GRIP1: variants seen among roughly 807,000 people sequenced by gnomAD.
The protein encoded by GRIP1 is glutamate receptor-interacting protein 1.
GRIP1 carries 45 observed loss-of-function variants against 129.9 expected under a neutral mutation model. The ratio of observed to expected loss-of-function variants is 0.35; its 90% CI spans 0.27 to 0.44. The LOEUF (loss-of-function observed/expected upper bound fraction) is 0.44. Ranked by LOEUF, GRIP1 falls within the 20% of genes least tolerant of loss-of-function variation. The pLI is 1.00. For missense variants in GRIP1, 1,196 were observed against 1,396.8 expected, an observed-to-expected ratio of 0.86 and a Z score of 2.29; for synonymous variants, 530 against 520.8, an observed-to-expected ratio of 1.02 and a Z score of -0.24.
intron 1 of GRIP1, among the ~76,000 whole-genome samples, chr12:66,767,073 A>AT (rs904826246): frequency 1.4e-4 from 22 of 152,028 alleles, no homozygotes; most frequent in Admixed American, 5.9e-4. Flanking sequence ...ATCTGAAATG[A>AT]TTTTTTTTGT....
At chr12:66,720,227 CTA>C (rs1188715187) in intron 1 of GRIP1, among the ~76,000 whole-genome samples, 1 of 152,134 alleles carries the variant, frequency 6.6e-6, no homozygotes, top group East Asian at 1.9e-4. Flanking sequence ...ACACTGTAGT[CTA>C]TTAAGTGTGC....
chr12:66,657,716 GT>G (rs2033246901), intron 1 of GRIP1, among the ~76,000 whole-genome samples: 1 of 152,108 alleles, frequency 6.6e-6, no homozygotes, highest in Admixed American at 6.5e-5. Context: ...GCCCTGACGG[GT>G]TTCCTTTCCA....
intron 7 of GRIP1, among the ~76,000 whole-genome samples, chr12:66,470,969 C>T (rs1272483676): frequency 3.9e-5 from 6 of 152,168 alleles, no homozygotes; most frequent in African/African-American, 1.4e-4. Flanking sequence ...TCAGTGAACC[C>T]ACAAGGACGA....
At chr12:66,815,573 C>A (rs1475499200) in intron 1 of GRIP1, among the ~76,000 whole-genome samples, 8 of 152,128 alleles carry the variant, frequency 5.3e-5, no homozygotes, top group African/African-American at 1.7e-4. Context: ...CCAGCCTGGG[C>A]AACATAGTGA....
At chr12:66,907,351 G>T (rs1265576914) in intron 1 of GRIP1, among the ~76,000 whole-genome samples, 1 of 152,136 alleles carries the variant, frequency 6.6e-6, no homozygotes, top group Admixed American at 6.6e-5. Context: ...AGAACATTAG[G>T]CATTGGAAAT....
intron 1 of GRIP1, among the ~76,000 whole-genome samples, chr12:67,052,899 A>G (rs918184079): frequency 6.6e-6 from 1 of 152,226 alleles, no homozygotes; most frequent in Non-Finnish European, 1.5e-5. Context: ...GTTCAAATCT[A>G]TAGGACCACT....
intron 1 of GRIP1, among the ~76,000 whole-genome samples, chr12:66,608,155 A>T (rs1415635666): frequency 6.6e-6 from 1 of 152,180 alleles, no homozygotes; most frequent in Non-Finnish European, 1.5e-5. Flanking sequence ...ACTGCTTATC[A>T]AACAGATGAC....
intron 1 of GRIP1, among the ~76,000 whole-genome samples, chr12:67,024,821 G>T (rs891165761): frequency 6.6e-6 from 1 of 151,988 alleles, no homozygotes; most frequent in Non-Finnish European, 1.5e-5. Flanking sequence ...AGATCTTTAC[G>T]ATAATATGTT....
At position 66,515,619 on chromosome 12, in the gene GRIP1, C is replaced by A. The variant is rs1365143793; in HGVS notation, c.724G>T (p.Asp242Tyr). Residue 242 changes from aspartate (D) to tyrosine (Y), a missense_variant and splice_region_variant, in exon 7 of 25, where the codon GAC becomes TAC. Asp to Tyr is a radical substitution (Grantham distance 160). Coordinates refer to ENST00000359742, the MANE Select transcript of GRIP1 (RefSeq NM_001366722.1). ...TCACACCCTCAGGACCCCAACATAC[C>A]CATTACTGAGACATCATATTCTATC... ...LLIEYDVSVM[D>Y]SVATASGPLL... 6.2e-7 allele frequency: 1 copy of A among 1,612,828 alleles called. No homozygotes were observed. Among genetic ancestry groups the A allele is most frequent in the Non-Finnish European group, 8.5e-7 (1 of 1,178,912 alleles).
At chr12:67,032,210 T>C (rs1408444379) in intron 1 of GRIP1, among the ~76,000 whole-genome samples, 1 of 152,334 alleles carries the variant, frequency 6.6e-6, no homozygotes, top group Admixed American at 6.5e-5. Context: ...TAGTTATTTA[T>C]TTTTCTTTTC....
In GRIP1 at chr12:67,020,934, T is replaced by C. The variant is rs568984225; in HGVS notation, c.58+48116A>G. 6.3e-4 allele frequency among the ~76,000 whole-genome samples: 96 copies of C among 151,958 alleles called. 1 individual carries two copies. Among genetic ancestry groups the C allele is most frequent in the African/African-American group, 2.3e-3 (95 of 41,482 alleles). ...GGGCAGCATGGTGAAACCCCATCTC[T>C]ACAAATACAAAAATTTAGCCAGGCA... On this transcript the variant is annotated intron_variant, in intron 1 of 1. Coordinates refer to the GRIP1 transcript ENST00000643019.
At chr12:66,517,214 G>A (rs1039902862) in intron 6 of GRIP1, among the ~76,000 whole-genome samples, 1 of 152,078 alleles carries the variant, frequency 6.6e-6, no homozygotes, top group African/African-American at 2.4e-5. Context: ...GTCAACTTTT[G>A]CTGTGGGAAA....
chr12:66,396,188 C>T (rs975102189), intron 16 of GRIP1, among the ~76,000 whole-genome samples: 1 of 152,190 alleles, frequency 6.6e-6, no homozygotes, highest in Non-Finnish European at 1.5e-5. Context: ...ATAGGAAAGA[C>T]CTTGACCCCT....
intron 1 of GRIP1, among the ~76,000 whole-genome samples, chr12:66,603,384 C>G (rs1294987819): frequency 6.6e-6 from 1 of 152,178 alleles, no homozygotes; most frequent in Non-Finnish European, 1.5e-5. Context: ...TCCCCTACTG[C>G]TCTATTATCT....
At chr12:66,365,414 G>A (rs912149603) in intron 23 of GRIP1, among the ~76,000 whole-genome samples, 1 of 152,200 alleles carries the variant, frequency 6.6e-6, no homozygotes, top group African/African-American at 2.4e-5. Flanking sequence ...TCCAGCCTGG[G>A]CAACAAAGCC....
At position 66,482,351 on chromosome 12, in the gene GRIP1, T is replaced by C. The variant is rs566749444; in HGVS notation, c.725-16929A>G. On this transcript the variant is annotated intron_variant, in intron 7 of 24. Coordinates refer to ENST00000359742, the MANE Select transcript of GRIP1 (RefSeq NM_001366722.1). ...GCTGGGATGAGCTTATTAGATGAGA[T>C]AGAATTTGATTGGAATGTTTCTCAT... 3.7e-4 allele frequency among the ~76,000 whole-genome samples: 56 copies of C among 152,282 alleles called. 2 individuals carry two copies. The South Asian group carries it at 9.5e-3, about 26-fold the overall frequency.
chr12:66,770,883 CAGGAGTTCG>C (rs1186623223), intron 1 of GRIP1, among the ~76,000 whole-genome samples: 1 of 152,110 alleles, frequency 6.6e-6, no homozygotes, highest in Non-Finnish European at 1.5e-5. Flanking sequence ...ATCATGAGGT[CAGGAGTTCG>C]AGACCAGCCT....
intron 1 of GRIP1, among the ~76,000 whole-genome samples, chr12:66,867,515 T>C (rs1434123591): frequency 1.3e-5 from 2 of 152,182 alleles, no homozygotes; most frequent in African/African-American, 4.8e-5. Context: ...ATTTCAAATA[T>C]ACTTGTTATG....
At position 66,739,754 on chromosome 12, in the gene GRIP1, A is replaced by G. The variant is rs532700173; in HGVS notation, c.-420+64299T>C. ...CCCAGAACCTAAAATAAAATAAAAAAAAAAAAACCAGTCCTCCATCCAGTC... is the reference window on the plus strand; with the variant it reads ...CCCAGAACCTAAAATAAAATAAAAAGAAAAAAACCAGTCCTCCATCCAGTC... On this transcript the variant is annotated intron_variant, in intron 1 of 4. Transcript: ENST00000538373. 2.0e-4 allele frequency among the ~76,000 whole-genome samples: 31 copies of G among 152,090 alleles called. No individual in the cohort carries two copies. The South Asian group carries it at 6.2e-3, about 31-fold the overall frequency.
Sources: gnomAD v4.1 joint callset for allele counts (sites outside exome capture counted in the v4.1 genomes callset) on GRCh38, gnomAD v4.1.1 for gene constraint, MANE v1.5 for transcripts, NCBI Gene and HGNC (gene_info 2026-07-23, HGNC 2026-07-21) for gene names.